DRC4: variants seen among roughly 807,000 people sequenced by gnomAD.
DRC4 encodes the protein GAS-11.
At chr16:90,039,186 T>A in the DRC4 span, among the ~76,000 whole-genome samples, 2 of 152,084 alleles carry the variant, frequency 1.3e-5, no homozygotes, top group African/African-American at 2.4e-5. Flanking sequence ...CCCTGTGGGT[T>A]TTGAGGTGGA....
At chr16:90,037,774 C>T in the DRC4 span, 62 of 1,613,940 alleles carry the variant, frequency 3.8e-5, no homozygotes, top group East Asian at 8.9e-5. Context: ...CACAAAAGCC[C>T]GTTTGAAAGT....
chr16:90,035,608 G>T, the DRC4 span: 1 of 1,614,066 alleles, frequency 6.2e-7, no homozygotes, highest in African/African-American at 1.3e-5. Flanking sequence ...CGGCTGTGTA[G>T]TAATGGCCGC....
chr16:90,036,342 T>A, the DRC4 span: 7 of 1,549,272 alleles, frequency 4.5e-6, no homozygotes, highest in South Asian at 8.4e-5. Context: ...GGGCACCACG[T>A]CTTCCTCTGC....
the DRC4 span, chr16:90,044,425 C>T: frequency 2.2e-6 from 1 of 454,622 alleles, no homozygotes. Context: ...CTAAATGATG[C>T]CCGGCCAGCA....
the DRC4 span, chr16:90,037,426 C>A: frequency 6.3e-7 from 1 of 1,594,100 alleles, no homozygotes; most frequent in Non-Finnish European, 8.6e-7. Context: ...ATTCCTCTCC[C>A]TCCTTGGCAT....
At chr16:90,028,822 T>C in the DRC4 span, 1 of 732,522 alleles carries the variant, frequency 1.4e-6, no homozygotes, top group Non-Finnish European at 1.9e-6. Flanking sequence ...TACCTTCTTT[T>C]GATAGTTGTA....
chr16:90,037,806 C>A, the DRC4 span: 2 of 1,614,192 alleles, frequency 1.2e-6, no homozygotes, highest in Non-Finnish European at 1.7e-6. Context: ...AGCTGAAAGA[C>A]CTGCAGTGGG....
chr16:90,032,958 G>T, the DRC4 span: 1 of 1,591,848 alleles, frequency 6.3e-7, no homozygotes, highest in South Asian at 1.1e-5. Context: ...AGGCTGACAG[G>T]TTGTTGGGAC....
chr16:90,020,250 G>A, the DRC4 span: 1 of 432,652 alleles, frequency 2.3e-6, no homozygotes, highest in Middle Eastern at 3.7e-4. Flanking sequence ...GCTGAGGTGG[G>A]AGCACAGCTT....
the DRC4 span, among the ~76,000 whole-genome samples, chr16:90,032,034 G>A: frequency 1.3e-5 from 2 of 152,080 alleles, no homozygotes; most frequent in African/African-American, 4.8e-5. Context: ...TACAGGTGAG[G>A]AGGTGTAGTA....
the DRC4 span, chr16:90,037,961 C>A: frequency 1.1e-6 from 1 of 932,572 alleles, no homozygotes; most frequent in Non-Finnish European, 1.7e-6. Context: ...GATGGCACCC[C>A]TGCTAGCCAG....
chr16:90,036,314 C>A, the DRC4 span: 3 of 1,411,640 alleles, frequency 2.1e-6, no homozygotes, highest in Non-Finnish European at 2.9e-6. Flanking sequence ...TTACAGGCTC[C>A]ATGTTCTGTA....
At chr16:90,036,548 A>C in the DRC4 span, 1 of 1,600,448 alleles carries the variant, frequency 6.2e-7, no homozygotes, top group Non-Finnish European at 8.5e-7. Flanking sequence ...CTACAACGAC[A>C]TCACCCTCAA....
chr16:90,034,892 CTTTTTTTTTTTTTTTTT>C, the DRC4 span, among the ~76,000 whole-genome samples: 2 of 53,868 alleles, frequency 3.7e-5, no homozygotes, highest in East Asian at 5.2e-4. Context: ...CCCACCTAAT[CTTTTTTTTTTTTTTTTT>C]TTTTTTTTTT....
chr16:90,019,884 G>A, the DRC4 span: 1 of 676,790 alleles, frequency 1.5e-6, no homozygotes, highest in South Asian at 1.5e-5. The surrounding 1 kb of genome is among the most constrained non-coding windows in gnomAD (Gnocchi z 6.1). Context: ...CCTGGATGGC[G>A]CGAATTAACG....
chr16:90,043,669 C>T, the DRC4 span: 14 of 542,442 alleles, frequency 2.6e-5, no homozygotes, highest in East Asian at 1.5e-4. Flanking sequence ...GGCAGTGCCG[C>T]GCTGTGCTGC....
chr16:90,043,355 TG>T, the DRC4 span: 2 of 1,556,542 alleles, frequency 1.3e-6, no homozygotes, highest in Non-Finnish European at 1.7e-6. Context: ...GCTGCCCCCC[TG>T]GGGGGCCACA....
chr16:90,043,164 C>G, the DRC4 span: 1 of 1,588,136 alleles, frequency 6.3e-7, no homozygotes, highest in South Asian at 1.1e-5. Context: ...CGTGGGGACC[C>G]TCAGCTCCCT....
the DRC4 span, chr16:90,040,234 C>A: frequency 6.8e-7 from 1 of 1,464,068 alleles, no homozygotes. Context: ...TGGGAGGCAG[C>A]ATCTTCCCAG....
Sources: gnomAD v4.1 joint callset for allele counts (sites outside exome capture counted in the v4.1 genomes callset) on GRCh38, gnomAD v4.1.1 for gene constraint, Gnocchi (gnomAD v3.1) non-coding constraint, MANE v1.5 for transcripts, NCBI Gene and HGNC (gene_info 2026-07-23, HGNC 2026-07-21) for gene names.